Variants in SRCAP observed in about 807,000 individuals in gnomAD.
SRCAP encodes the protein Snf2 related CREBBP activator protein.
Under a neutral mutation model 263.1 loss-of-function variants are expected in SRCAP, and 46 were observed. That is an observed-to-expected ratio of 0.17 (90% CI 0.14 to 0.22). SRCAP has a LOEUF of 0.22. Among genes scored for constraint, SRCAP ranks in the 10% least tolerant of loss-of-function variants. The pLI, the probability that SRCAP is intolerant of heterozygous loss-of-function variation, is 1.00. For synonymous variants in SRCAP, 1,813 were observed against 1,662.1 expected, an observed-to-expected ratio of 1.09 and a Z score of -2.21; for missense variants, 3,695 against 4,181.9, an observed-to-expected ratio of 0.88 and a Z score of 3.21.
intron 5 of SRCAP, 84 bp downstream of exon 5, chr16:30,707,452 G>A (rs189739931): frequency 1.2e-6 from 2 of 1,603,092 alleles, no homozygotes; most frequent in Admixed American, 1.7e-5. Context: ...AGACAGAATG[G>A]TGTAGGCATT....
At position 30,700,586 on chromosome 16, in the gene SRCAP, TCTTTTTTTTTTTTTTTAACCCTA is replaced by T. The variant is rs971965994; in HGVS notation, c.-209-25_-209-3del. ...TTCATCCCCTTTAACTGCATTTCTGTCTTTTTTTTTTTTTTTAACCCTACTTTAGGTGCTCCAGAGGCTGGTGG... is the reference window on the plus strand; with the variant it reads ...TTCATCCCCTTTAACTGCATTTCTGTCTTTAGGTGCTCCAGAGGCTGGTGG... On this transcript the variant is annotated splice_polypyrimidine_tract_variant and splice_region_variant and intron_variant, in intron 2 of 33. Coordinates refer to ENST00000262518, the MANE Select transcript of SRCAP (RefSeq NM_006662.3). 1 of 417,790 alleles carries T rather than the reference TCTTTTTTTTTTTTTTTAACCCTA, an allele frequency of 2.4e-6. No individual in the cohort carries two copies. Among genetic ancestry groups the T allele is most frequent in the African/African-American group, 2.1e-5 (1 of 47,466 alleles). 25.9% of individuals were successfully genotyped at this position (417,790 alleles called of 1,614,324 possible). A position where few individuals can be genotyped will look rare whatever the true frequency, so the allele number is the denominator to read the frequency against.
At chr16:30,700,361 A>G (rs2972803) in intron 2 of SRCAP, among the ~76,000 whole-genome samples, 1 of 152,206 alleles carries the variant, frequency 6.6e-6, no homozygotes, top group Non-Finnish European at 1.5e-5. Context: ...CTGCATGGCT[A>G]TATCCGTTGT....
At chr16:30,709,469 A>G (rs761718840) in intron 6 of SRCAP, 44 bp from the exon 7 acceptor site, 3 of 1,603,386 alleles carry the variant, frequency 1.9e-6, no homozygotes, top group Admixed American at 3.3e-5. Flanking sequence ...GTACATAAAT[A>G]AAATGGTTAT....
At position 30,716,482 on chromosome 16, in the gene SRCAP, A is replaced by G. The variant is rs112269528; in HGVS notation, c.2817+3A>G. 2.2e-5 allele frequency: 36 copies of G among 1,607,628 alleles called. No individual in the cohort carries two copies. The African/African-American group carries it at 2.5e-4, about 11-fold the overall frequency. On this transcript the variant is annotated splice_donor_region_variant and intron_variant, in intron 18 of 33. Coordinates refer to ENST00000262518, the MANE Select transcript of SRCAP (RefSeq NM_006662.3). Reference sequence around the variant, plus strand: ...CCACGGATGTCCATCCCCTCCAGGTAAGTATGATTCCATTAATATGAAATG... The same window carrying G: ...CCACGGATGTCCATCCCCTCCAGGTGAGTATGATTCCATTAATATGAAATG...
In SRCAP at chr16:30,700,818, T is replaced by G. The variant is rs771141109; in HGVS notation, c.-7T>G. 2 of 1,613,738 alleles carry G rather than the reference T, an allele frequency of 1.2e-6. No homozygotes were observed. The highest frequency in any genetic ancestry group is 8.5e-7 in the Non-Finnish European group (1 of 1,179,770). ...AGGCATCCAAGGGGGAGCCTGGGAG[T>G]GGGACCATGCAGAGCAGCCCCTCCC... On this transcript the variant is annotated 5_prime_UTR_variant, in exon 3 of 34. Coordinates refer to ENST00000262518, the MANE Select transcript of SRCAP (RefSeq NM_006662.3).
chr16:30,725,250 G>A, intron 25 of SRCAP, 168 bp downstream of exon 25: 3 of 1,348,246 alleles, frequency 2.2e-6, no homozygotes, highest in Non-Finnish European at 2.9e-6. Flanking sequence ...CCCTGGGCGT[G>A]TACCTCATGA....
At position 30,703,047 on chromosome 16, in the gene SRCAP, T is replaced by G. The variant is rs145035208; in HGVS notation, c.55-1017T>G. Among the ~76,000 whole-genome samples, 63 of 152,104 alleles carry G rather than the reference T, an allele frequency of 4.1e-4. 1 individual carries two copies. The highest frequency in any genetic ancestry group is 3.4e-3 in the Middle Eastern group (1 of 294). On this transcript the variant is annotated intron_variant, in intron 3 of 33. Coordinates refer to ENST00000262518, the MANE Select transcript of SRCAP (RefSeq NM_006662.3). ...TGGTAGCTCACATTTATTGCATAAG[T>G]GAGTTTGCCACACTTGTTCTGAAAA...
intron 16 of SRCAP, among the ~76,000 whole-genome samples, chr16:30,715,322 T>C (rs2094025260): frequency 6.6e-6 from 1 of 152,024 alleles, no homozygotes; most frequent in Admixed American, 6.6e-5. Context: ...TCCCAGCACT[T>C]TGGGAGGCTG....
intron 25 of SRCAP, 143 bp downstream of exon 25, chr16:30,725,225 C>T: frequency 3.5e-6 from 5 of 1,421,430 alleles, no homozygotes; most frequent in Non-Finnish European, 4.6e-6. Context: ...GACATTTGGA[C>T]AAGTCCCTTC....
Position 30,739,150 on chromosome 16 carries a change from G to A in SRCAP, c.9110G>A (p.Gly3037Glu). 1 of 1,614,180 alleles carries A rather than the reference G, an allele frequency of 6.2e-7. No homozygotes were observed. The highest frequency in any genetic ancestry group is 1.1e-5 in the South Asian group (1 of 91,088). The change falls in exon 34 of 34, where the codon GGA becomes GAA. Residue 3037 changes from glycine to glutamate, a missense_variant. By Grantham distance (98) the Gly-to-Glu change is moderately conservative. Transcript: ENST00000262518. ...AGCACTTCTGTTCTCGAGAGCTGTG[G>A]ATTGGGGAGGCGACGGCAACCCCAG... ...RDSTSVLESC[G>E]LGRRRQPQGQ... is the part of the protein sequence containing the mutation.
At chr16:30,732,752 T>C (rs1420126901) in intron 27 of SRCAP, among the ~76,000 whole-genome samples, 1 of 152,254 alleles carries the variant, frequency 6.6e-6, no homozygotes, top group Admixed American at 6.5e-5. Context: ...CCTACTCTTT[T>C]AGACTCCAAG....
intron 30 of SRCAP, 196 bp from the exon 31 acceptor site, chr16:30,734,300 G>C: frequency 2.7e-6 from 2 of 735,348 alleles, no homozygotes; most frequent in Non-Finnish European, 4.3e-6. Context: ...TTGAGATGGC[G>C]CCATTGCACT....
At position 30,737,422 on chromosome 16, in the gene SRCAP, C is replaced by G. The variant is rs1235438787; in HGVS notation, c.7382C>G (p.Pro2461Arg). 1 of 1,603,020 alleles carries G rather than the reference C, an allele frequency of 6.2e-7. No individual in the cohort carries two copies. Among genetic ancestry groups the G allele is most frequent in the African/African-American group, 1.3e-5 (1 of 74,384 alleles). ...GCAATTCCTGCCCTTGTTCCTGTCC[C>G]AGTTTCTGCCCCAGTACCCATTTCA... is the stretch of plus-strand genomic sequence containing the variant. ...PAAIPALVPV[P>R]VSAPVPISAP... is the part of the protein sequence containing the mutation. Residue 2461 changes from proline to arginine, a missense_variant, in exon 34 of 34, where the codon CCA becomes CGA. Pro to Arg is a moderately radical substitution (Grantham distance 103). Coordinates refer to ENST00000262518, the MANE Select transcript of SRCAP (RefSeq NM_006662.3).
rs756686784 is a variant in SRCAP, at chr16:30,734,548, C to G, written c.6662C>G (p.Ser2221Cys). Reference protein sequence around the residue: ...DMPLEEPSSSSVPSAPEEEEE... With the variant: ...DMPLEEPSSSCVPSAPEEEEE... ...CCCCTGGAGGAACCTTCTAGCTCAT[C>G]CGTGCCCTCTGCCCCTGAAGAGGAG... Residue 2221 changes from serine (S) to cysteine (C), a missense_variant, in exon 31 of 34, where the codon TCC (serine) becomes TGC (cysteine). Ser to Cys is a moderately radical substitution (Grantham distance 112, BLOSUM62 -1). Coordinates refer to ENST00000262518, the MANE Select transcript of SRCAP (RefSeq NM_006662.3). 3 of 1,613,954 alleles carry G rather than the reference C, an allele frequency of 1.9e-6. No homozygotes were observed. The South Asian group carries it at 3.3e-5, about 18-fold the overall frequency.
At chr16:30,734,372 C>T in intron 30 of SRCAP, 124 bp from the exon 31 acceptor site, 1 of 1,422,332 alleles carries the variant, frequency 7.0e-7, no homozygotes, top group Middle Eastern at 1.8e-4. Flanking sequence ...CTGCTTTGGC[C>T]TTCACAGACG....
intron 3 of SRCAP, among the ~76,000 whole-genome samples, chr16:30,703,524 C>T (rs2052792387): frequency 1.3e-5 from 2 of 151,528 alleles, no homozygotes; most frequent in South Asian, 4.2e-4. Flanking sequence ...AGTTTGGGAA[C>T]TGTGTAAATG....
rs183202677 is a variant in SRCAP, at chr16:30,709,490, A to G, written c.634-23A>G. 5.3e-3 allele frequency: 8,489 copies of G among 1,612,696 alleles called. 32 individuals carry two copies. Among genetic ancestry groups the G allele is most frequent in the Non-Finnish European group, 6.4e-3 (7,562 of 1,178,674 alleles). ...AAATAAAATGGTTATCTTGGTGAGC[A>G]GTCCCTTTCACATCTGTGGCAGGTG... On this transcript the variant is annotated intron_variant, in intron 6 of 33. Coordinates refer to ENST00000262518, the MANE Select transcript of SRCAP (RefSeq NM_006662.3).
intron 27 of SRCAP, among the ~76,000 whole-genome samples, chr16:30,731,976 C>A (rs1198470054): frequency 2.0e-5 from 3 of 151,660 alleles, no homozygotes; most frequent in Admixed American, 6.6e-5. Flanking sequence ...GAAACCCTGT[C>A]TCTACAAAAA....
rs748833767 is a variant in SRCAP, at chr16:30,713,333, G to T, written c.2256G>T (p.Lys752Asn). The T allele has an allele frequency of 6.2e-7, 1 of 1,614,014 alleles. No individual in the cohort carries two copies. Among genetic ancestry groups the T allele is most frequent in the African/African-American group, 1.3e-5 (1 of 74,898 alleles). Residue 752 changes from lysine (K) to asparagine (N), a missense_variant, in exon 15 of 34, where the codon AAG becomes AAT. This residue lies in a region of SRCAP where 121 missense variants were observed against 330.7 expected (regional missense o/e 0.37). Transcript: ENST00000262518. Reference sequence around the variant, plus strand: ...TTCTGGATGAGGCGCAGAACATCAAGAACTTCAAGTCACAGCGCTGGCAGT... The same window carrying T: ...TTCTGGATGAGGCGCAGAACATCAATAACTTCAAGTCACAGCGCTGGCAGT... ...YLILDEAQNI[K>N]NFKSQRWQSL... is the part of the protein sequence containing the mutation.
Sources: allele counts gnomAD v4.1 joint callset (sites outside exome capture counted in the v4.1 genomes callset), GRCh38; gene constraint gnomAD v4.1.1; regional missense constraint gnomAD v4.1.1; transcripts MANE v1.5; gene names NCBI Gene and HGNC (gene_info 2026-07-23, HGNC 2026-07-21).